Variants in NRXN3 observed in about 807,000 individuals in gnomAD.
NRXN3 encodes the protein neurexin III.
NRXN3 carries 32 observed loss-of-function variants against 137.6 expected under a neutral mutation model. That is an observed-to-expected ratio of 0.23 (90% CI 0.18 to 0.31). The LOEUF (loss-of-function observed/expected upper bound fraction) is 0.31. NRXN3 is among the 10% of genes least tolerant of loss of function. The pLI is 1.00. For synonymous variants in NRXN3, 798 were observed against 784.5 expected (o/e 1.02, Z -0.29); for missense variants, 1,574 against 2,062.5 (o/e 0.76, Z 4.59).
At position 79,470,678 on chromosome 14, in the gene NRXN3, C is replaced by A. The variant is rs377367603; in HGVS notation, c.3444+3276C>A. 5.9e-5 allele frequency among the ~76,000 whole-genome samples: 9 copies of A among 152,192 alleles called. No individual in the cohort carries two copies. The East Asian group carries it at 1.5e-3, about 26-fold the overall frequency. On this transcript the variant is annotated intron_variant, in intron 16 of 20. Coordinates refer to ENST00000335750, the MANE Select transcript of NRXN3 (RefSeq NM_001330195.2). ...GGGAAGAGGACAGGGCTCTGCCTAC[C>A]GATGTGCTTCAACAAGGGATTACAT...
At chr14:78,729,373 T>C (rs1250240231) in intron 8 of NRXN3, among the ~76,000 whole-genome samples, 1 of 152,136 alleles carries the variant, frequency 6.6e-6, no homozygotes, top group East Asian at 1.9e-4. Context: ...CTGTAAGAAA[T>C]GAGATGGCTT....
At chr14:79,857,654 A>C (rs773916329) in intron 20 of NRXN3, among the ~76,000 whole-genome samples, 2 of 152,286 alleles carry the variant, frequency 1.3e-5, no homozygotes, top group Non-Finnish European at 2.9e-5. Context: ...TTAATATTAA[A>C]ATTAATTACA....
intron 19 of NRXN3, among the ~76,000 whole-genome samples, chr14:79,769,747 C>T (rs149024858): frequency 0.067 from 10,206 of 151,394 alleles, 1,122 homozygotes; most frequent in African/African-American, 0.24. Context: ...AACATCATAA[C>T]GACAGGATCA....
intron 16 of NRXN3, among the ~76,000 whole-genome samples, chr14:79,631,380 C>T: frequency 6.6e-6 from 1 of 152,270 alleles, no homozygotes; most frequent in East Asian, 1.9e-4. Flanking sequence ...GCCCTTCAGT[C>T]CGCCGCGGCG....
chr14:79,584,379 C>T (rs1020731622), intron 16 of NRXN3, among the ~76,000 whole-genome samples: 1 of 152,084 alleles, frequency 6.6e-6, no homozygotes, highest in East Asian at 1.9e-4. Flanking sequence ...ACACAGAATA[C>T]CCTACTCTTC....
intron 4 of NRXN3, among the ~76,000 whole-genome samples, chr14:78,473,158 T>A (rs1412466225): frequency 6.6e-6 from 1 of 152,068 alleles, no homozygotes; most frequent in Middle Eastern, 3.4e-3. Flanking sequence ...ATCCCAGCAC[T>A]TTGGGAGGCC....
chr14:79,091,614 A>G (rs1047884280), intron 15 of NRXN3, among the ~76,000 whole-genome samples: 15 of 152,144 alleles, frequency 9.9e-5, no homozygotes, highest in African/African-American at 3.1e-4. Context: ...GGCTTTCTGC[A>G]TGCTGAGGGT....
intron 6 of NRXN3, among the ~76,000 whole-genome samples, chr14:78,691,083 G>A (rs1482891618): frequency 2.0e-5 from 3 of 152,156 alleles, no homozygotes; most frequent in South Asian, 2.1e-4. Flanking sequence ...CTTGGAAAGT[G>A]TACAGTCAGG....
intron 8 of NRXN3, among the ~76,000 whole-genome samples, chr14:78,737,819 G>T (rs1476630437): frequency 6.6e-6 from 1 of 152,128 alleles, no homozygotes; most frequent in Non-Finnish European, 1.5e-5. Context: ...AGTCTGCAGG[G>T]AAGGGGAGGA....
chr14:79,614,027 A>T (rs1448512445), intron 16 of NRXN3, among the ~76,000 whole-genome samples: 1 of 152,222 alleles, frequency 6.6e-6, no homozygotes, highest in African/African-American at 2.4e-5. Flanking sequence ...TCTAATAACA[A>T]TTCATGTCCA....
At chr14:78,348,109 G>C (rs1346651446) in intron 4 of NRXN3, among the ~76,000 whole-genome samples, 1 of 152,088 alleles carries the variant, frequency 6.6e-6, no homozygotes, top group East Asian at 1.9e-4. Context: ...AGGTGTGCAT[G>C]GCATCAAAGC....
intron 20 of NRXN3, among the ~76,000 whole-genome samples, chr14:79,837,174 G>A (rs2099345839): frequency 2.6e-5 from 4 of 152,102 alleles, no homozygotes; most frequent in Admixed American, 1.3e-4. Context: ...TTCCATTAAT[G>A]TAATGATATA....
intron 8 of NRXN3, among the ~76,000 whole-genome samples, chr14:78,729,175 T>A (rs957851664): frequency 1.3e-5 from 2 of 152,232 alleles, no homozygotes; most frequent in African/African-American, 4.8e-5. Context: ...GTTTGTGGTA[T>A]CATTCAGATT....
intron 15 of NRXN3, among the ~76,000 whole-genome samples, chr14:79,045,141 T>G (rs779606657): frequency 6.6e-6 from 1 of 151,982 alleles, no homozygotes; most frequent in African/African-American, 2.4e-5. Context: ...CCAATCCCCG[T>G]TTTCTGTTTA....
intron 6 of NRXN3, among the ~76,000 whole-genome samples, chr14:78,672,366 A>G (rs1180000972): frequency 6.6e-6 from 1 of 152,204 alleles, no homozygotes; most frequent in Non-Finnish European, 1.5e-5. Context: ...GTATTTATTT[A>G]TCTTTGTATC....
chr14:79,562,828 A>G (rs1401694687), intron 16 of NRXN3, among the ~76,000 whole-genome samples: 5 of 152,230 alleles, frequency 3.3e-5, no homozygotes, highest in Admixed American at 3.3e-4. Context: ...AAATGAATTA[A>G]AAGACATTTC....
At chr14:79,498,056 CAAA>C (rs376528354) in intron 16 of NRXN3, among the ~76,000 whole-genome samples, 1 of 151,360 alleles carries the variant, frequency 6.6e-6, no homozygotes, top group Non-Finnish European at 1.5e-5. Context: ...AACAAACAAA[CAAA>C]AAAAACCAGG....
chr14:79,554,657 C>T (rs555176320), intron 16 of NRXN3, among the ~76,000 whole-genome samples: 26 of 152,252 alleles, frequency 1.7e-4, no homozygotes, highest in African/African-American at 5.3e-4. Context: ...CCAGAAGCAG[C>T]GTCTCTTCTG....
At chr14:78,494,424 T>TTTTTTTC (rs1489647786) in intron 4 of NRXN3, among the ~76,000 whole-genome samples, 60 of 145,964 alleles carry the variant, frequency 4.1e-4, no homozygotes, top group Admixed American at 8.0e-4. Flanking sequence ...CAGAGGTGTT[T>TTTTTTTC]TGTTTTTTTT....
Sources: gnomAD v4.1 joint callset for allele counts (sites outside exome capture counted in the v4.1 genomes callset) on GRCh38, gnomAD v4.1.1 for gene constraint, MANE v1.5 for transcripts, NCBI Gene and HGNC (gene_info 2026-07-23, HGNC 2026-07-21) for gene names.